ATG10: variants seen among roughly 807,000 people sequenced by gnomAD.
The protein encoded by ATG10 is autophagy related 10.
Under a neutral mutation model 32.1 loss-of-function variants are expected in ATG10, and 30 were observed. That is an observed-to-expected ratio of 0.94 (90% confidence interval 0.70 to 1.27). ATG10 has a LOEUF of 1.27. Among genes scored for constraint, ATG10 ranks in the 50% most tolerant of loss-of-function variants. The pLI, the probability that ATG10 is intolerant of heterozygous loss-of-function variation, is 0.00. For missense variants in ATG10, 233 were observed against 262.3 expected (o/e 0.89, Z 0.77); for synonymous variants, 87 against 91.5 (o/e 0.95, Z 0.28).
chr5:82,020,893 A>G (rs1418395113), intron 2 of ATG10, among the ~76,000 whole-genome samples: 2 of 152,224 alleles, frequency 1.3e-5, no homozygotes, highest in Admixed American at 6.5e-5. Flanking sequence ...CAGGTACAAA[A>G]GGGGATTCCA....
chr5:82,051,395 A>G (rs1290468477), intron 2 of ATG10, among the ~76,000 whole-genome samples: 2 of 152,178 alleles, frequency 1.3e-5, no homozygotes, highest in Non-Finnish European at 2.9e-5. Context: ...GGACTATTTA[A>G]TTAATGAGGT....
chr5:82,207,904 A>G (rs1163153574), intron 5 of ATG10, among the ~76,000 whole-genome samples: 1 of 152,212 alleles, frequency 6.6e-6, no homozygotes, highest in African/African-American at 2.4e-5. Context: ...TGTGACTGTT[A>G]ACTGTGTTAT....
At chr5:82,005,580 C>T (rs1308609075) in intron 2 of ATG10, among the ~76,000 whole-genome samples, 1 of 152,196 alleles carries the variant, frequency 6.6e-6, no homozygotes, top group Non-Finnish European at 1.5e-5. Flanking sequence ...CAGGCGTGAG[C>T]CACCGCACAT....
In ATG10 at chr5:81,983,741, T is replaced by C. The variant is rs1159046712; in HGVS notation, c.-12-3818T>C. On this transcript the variant is annotated intron_variant, in intron 1 of 7. Coordinates refer to ENST00000282185, the MANE Select transcript of ATG10 (RefSeq NM_031482.5). Reference sequence around the variant, plus strand: ...GCCGGGCGTAGGGGCTTCTCACTTCTCAGACAGGGCGGCTGCTGGGCGGAG... The same window carrying C: ...GCCGGGCGTAGGGGCTTCTCACTTCCCAGACAGGGCGGCTGCTGGGCGGAG... Among the ~76,000 whole-genome samples, 572 of 145,146 alleles carry C rather than the reference T, an allele frequency of 3.9e-3. 13 individuals are homozygous for C. Among genetic ancestry groups the C allele is most frequent in the African/African-American group, 0.015 (543 of 37,398 alleles).
At chr5:82,184,902 G>C (rs1744389778) in intron 5 of ATG10, among the ~76,000 whole-genome samples, 2 of 152,118 alleles carry the variant, frequency 1.3e-5, no homozygotes, top group South Asian at 4.1e-4. Context: ...ACATCAGGTG[G>C]CTGTCTGCAG....
chr5:82,021,971 C>T (rs1309570358), intron 2 of ATG10, among the ~76,000 whole-genome samples: 16 of 149,844 alleles, frequency 1.1e-4, no homozygotes, highest in African/African-American at 3.2e-4. Context: ...TGCAGTGAAC[C>T]GAGATCACGC....
At chr5:82,108,633 G>A (rs945601756) in intron 3 of ATG10, among the ~76,000 whole-genome samples, 6 of 152,038 alleles carry the variant, frequency 3.9e-5, no homozygotes, top group African/African-American at 1.4e-4. Context: ...GGTTGTTTGA[G>A]TCTAAGCCTG....
chr5:82,255,169 A>T lies in ATG10; in HGVS notation c.*1106A>T, dbSNP rs571085601. The T allele has an allele frequency of 2.8e-4, 43 of 152,282 alleles. No individual in the cohort carries two copies. Among genetic ancestry groups the T allele is most frequent in the African/African-American group, 9.6e-4 (40 of 41,562 alleles). 9.4% of individuals were successfully genotyped at this position (152,282 alleles called of 1,614,324 possible). A position where few individuals can be genotyped will look rare whatever the true frequency, so the allele number is the denominator to read the frequency against. On this transcript the variant is annotated 3_prime_UTR_variant, in exon 8 of 8. Coordinates refer to ENST00000282185, the MANE Select transcript of ATG10 (RefSeq NM_031482.5). ...TTTGAGGGCTCTTGAGCGAGTCTTCATGTCCCTGAGACTTATTTTCCTCAT... is the reference window on the plus strand; with the variant it reads ...TTTGAGGGCTCTTGAGCGAGTCTTCTTGTCCCTGAGACTTATTTTCCTCAT...
intron 5 of ATG10, among the ~76,000 whole-genome samples, chr5:82,235,160 T>A (rs1746506514): frequency 6.6e-6 from 1 of 152,148 alleles, no homozygotes; most frequent in African/African-American, 2.4e-5. Context: ...TGGAATCAGC[T>A]ATCATTATGA....
intron 4 of ATG10, among the ~76,000 whole-genome samples, chr5:82,172,444 C>T (rs903313126): frequency 5.9e-5 from 9 of 152,028 alleles, no homozygotes; most frequent in East Asian, 1.9e-4. Context: ...TTCAGAGTTT[C>T]GAGGATCCTG....
intron 5 of ATG10, among the ~76,000 whole-genome samples, chr5:82,215,666 T>C (rs576004348): frequency 7.9e-5 from 12 of 152,264 alleles, no homozygotes; most frequent in African/African-American, 2.6e-4. Context: ...CCAGACACGG[T>C]GGCTCACACC....
intron 2 of ATG10, among the ~76,000 whole-genome samples, chr5:82,031,965 A>T (rs1762753563): frequency 6.6e-6 from 1 of 152,222 alleles, no homozygotes; most frequent in Non-Finnish European, 1.5e-5. Flanking sequence ...GCTGCTTGGA[A>T]TGCTCTCTTT....
chr5:82,084,669 G>GA, intron 3 of ATG10, among the ~76,000 whole-genome samples: 2 of 152,314 alleles, frequency 1.3e-5, no homozygotes, highest in African/African-American at 4.8e-5. Flanking sequence ...GAGAGTGGGG[G>GA]ACGGTATTCA....
rs569325562 is a variant in ATG10, at chr5:82,221,150, C to T, written c.454-31412C>T. Reference sequence around the variant, plus strand: ...CTCTCTGTCTGGAACACCTTTCCCGCCTGGCCTAGGTTTCCTTTCTCAGCT... The same window carrying T: ...CTCTCTGTCTGGAACACCTTTCCCGTCTGGCCTAGGTTTCCTTTCTCAGCT... On this transcript the variant is annotated intron_variant, in intron 5 of 7. Transcript: ENST00000282185. Among the ~76,000 whole-genome samples, 5 of 152,252 alleles carry T rather than the reference C, an allele frequency of 3.3e-5. No individual in the cohort carries two copies. In the East Asian group the frequency reaches 9.7e-4, roughly 29 times the overall value.
At chr5:82,013,504 C>T (rs1209797019) in intron 2 of ATG10, among the ~76,000 whole-genome samples, 2 of 152,130 alleles carry the variant, frequency 1.3e-5, no homozygotes, top group African/African-American at 4.8e-5. Context: ...CATAGAATGA[C>T]TTCTTTTCCT....
At chr5:82,143,215 A>C (rs772826957) in intron 3 of ATG10, among the ~76,000 whole-genome samples, 1 of 152,266 alleles carries the variant, frequency 6.6e-6, no homozygotes, top group Non-Finnish European at 1.5e-5. Context: ...AAGTTAGAAC[A>C]TCTATGCCAA....
chr5:82,074,687 G>A (rs1240729846), intron 3 of ATG10, among the ~76,000 whole-genome samples: 2 of 152,100 alleles, frequency 1.3e-5, no homozygotes, highest in African/African-American at 4.8e-5. Flanking sequence ...CCTAATCTCT[G>A]GTTGCTCCAA....
At position 82,180,696 on chromosome 5, in the gene ATG10, C is replaced by A. The variant is rs547772956; in HGVS notation, c.453+2109C>A. ...GCAAAAGATAGAGGAAAAATATATT[C>A]AAAAATATATGTGTATTTAACTTTA... On this transcript the variant is annotated intron_variant, in intron 5 of 7. Transcript: ENST00000282185. 5.9e-5 allele frequency among the ~76,000 whole-genome samples: 9 copies of A among 152,154 alleles called. No homozygotes were observed. In the South Asian group the frequency reaches 8.3e-4, roughly 14 times the overall value.
intron 3 of ATG10, among the ~76,000 whole-genome samples, chr5:82,080,339 T>G (rs1764431637): frequency 6.6e-6 from 1 of 152,224 alleles, no homozygotes; most frequent in Non-Finnish European, 1.5e-5. Flanking sequence ...GGTAGTTTCT[T>G]TTGTTGTGCA....
Sources: gnomAD v4.1 joint callset for allele counts (sites outside exome capture counted in the v4.1 genomes callset) on GRCh38, gnomAD v4.1.1 for gene constraint, MANE v1.5 for transcripts, NCBI Gene and HGNC (gene_info 2026-07-23, HGNC 2026-07-21) for gene names.